The following PDE3A variants were observed in gnomAD, a reference collection of about 807,000 sequenced individuals.
The protein encoded by PDE3A is cGMP-inhibited 3',5'-cyclic phosphodiesterase 3A.
Under a neutral mutation model 98.3 loss-of-function variants are expected in PDE3A, and 43 were observed. The observed-to-expected ratio is 0.44, with a 90% CI of 0.34 to 0.56. PDE3A has a LOEUF of 0.56. Ranked by LOEUF, PDE3A falls within the 20% of genes least tolerant of loss-of-function variation. The pLI, the probability that PDE3A is intolerant of heterozygous loss-of-function variation, is 0.01. For synonymous variants in PDE3A, 663 were observed against 567.9 expected (o/e 1.17, Z -2.38); for missense variants, 1,427 against 1,440.7 (o/e 0.99, Z 0.15).
intron 1 of PDE3A, among the ~76,000 whole-genome samples, chr12:20,383,322 C>A (rs1482510946): frequency 6.6e-6 from 1 of 151,880 alleles, no homozygotes; most frequent in Admixed American, 6.6e-5. Context: ...AAATATCAGT[C>A]ATTCCCAACC....
At chr12:20,500,769 T>C (rs1946008839) in intron 1 of PDE3A, among the ~76,000 whole-genome samples, 1 of 72,980 alleles carries the variant, frequency 1.4e-5, no homozygotes, top group African/African-American at 4.0e-5. Context: ...TCTTTCTTTC[T>C]TTTTTTTTTT....
intron 15 of PDE3A, among the ~76,000 whole-genome samples, chr12:20,669,783 T>C (rs1945421232): frequency 6.6e-6 from 1 of 151,498 alleles, no homozygotes; most frequent in African/African-American, 2.4e-5. Flanking sequence ...AGGAAGAAAC[T>C]ACATAAACTA....
At position 20,369,299 on chromosome 12, in the gene PDE3A, C is replaced by G. The variant is rs978610403; in HGVS notation, c.15C>G (p.Gly5=). 2.0e-6 allele frequency: 3 copies of G among 1,522,124 alleles called. No individual in the cohort carries two copies. Among genetic ancestry groups the G allele is most frequent in the Admixed American group, 4.1e-5 (2 of 48,676 alleles). 94.3% of individuals were successfully genotyped at this position (1,522,124 alleles called of 1,614,324 possible). The part of the protein sequence containing the change: MAVP[G]DAARVRDKPV... ...CACCCTATACCATGGCAGTGCCCGG[C>G]GACGCTGCACGAGTCAGGGACAAGC... is the stretch of plus-strand genomic sequence containing the variant. Residue 5 remains glycine (G), a synonymous_variant, in exon 1 of 16, where the codon GGC becomes GGG. Transcript: ENST00000359062.
At chr12:20,627,042 T>C (rs1421841315) in intron 5 of PDE3A, among the ~76,000 whole-genome samples, 1 of 151,206 alleles carries the variant, frequency 6.6e-6, no homozygotes, top group Non-Finnish European at 1.5e-5. Flanking sequence ...TACTAAAACT[T>C]AGCAATGAAA....
intron 1 of PDE3A, among the ~76,000 whole-genome samples, chr12:20,539,417 A>G (rs923839536): frequency 2.0e-5 from 3 of 152,124 alleles, no homozygotes; most frequent in Non-Finnish European, 4.4e-5. Flanking sequence ...ATCTTGGAGC[A>G]TTTTGGATTT....
intron 15 of PDE3A, among the ~76,000 whole-genome samples, chr12:20,659,399 C>T (rs1945109594): frequency 6.6e-6 from 1 of 152,090 alleles, no homozygotes; most frequent in African/African-American, 2.4e-5. Context: ...GGCAGATGAC[C>T]TCCAAGTTTC....
At chr12:20,670,343 C>T (rs1233169046) in intron 15 of PDE3A, among the ~76,000 whole-genome samples, 15 of 149,050 alleles carry the variant, frequency 1.0e-4, no homozygotes, top group South Asian at 6.4e-4. Context: ...CTGCACCAAG[C>T]GGACCTAATA....
intron 2 of PDE3A, among the ~76,000 whole-genome samples, chr12:20,581,694 G>C (rs1943071056): frequency 6.8e-6 from 1 of 146,784 alleles, no homozygotes; most frequent in Non-Finnish European, 1.5e-5. Context: ...CTCACTGCAA[G>C]CTCCGCCTCC....
intron 1 of PDE3A, among the ~76,000 whole-genome samples, chr12:20,511,734 C>G (rs1946227884): frequency 6.6e-6 from 1 of 151,900 alleles, no homozygotes; most frequent in Non-Finnish European, 1.5e-5. Flanking sequence ...TGGTTCCTTC[C>G]AAAGAGAGAC....
intron 2 of PDE3A, among the ~76,000 whole-genome samples, chr12:20,599,830 T>G (rs1224306571): frequency 1.3e-5 from 2 of 152,220 alleles, no homozygotes; most frequent in Admixed American, 1.3e-4. Context: ...CATTTTTCTA[T>G]CTTCCTTTCA....
intron 4 of PDE3A, among the ~76,000 whole-genome samples, chr12:20,620,220 G>T (rs546435122): frequency 2.0e-5 from 3 of 152,064 alleles, no homozygotes; most frequent in African/African-American, 4.8e-5. Flanking sequence ...TCAATTTTAG[G>T]TTTATTTACA....
intron 1 of PDE3A, among the ~76,000 whole-genome samples, chr12:20,447,675 T>C (rs925613851): frequency 5.3e-5 from 8 of 152,222 alleles, no homozygotes. Context: ...TGGCTGTTCA[T>C]TCATATGCTT....
At chr12:20,664,969 A>G (rs527329856) in intron 15 of PDE3A, among the ~76,000 whole-genome samples, 2 of 152,166 alleles carry the variant, frequency 1.3e-5, no homozygotes, top group African/African-American at 4.8e-5. Context: ...CCCTACCTCT[A>G]ATCAGTTGCC....
rs543929493 is a variant in PDE3A, at chr12:20,587,482, A to G, written c.1012-25961A>G. Among the ~76,000 whole-genome samples, 16 of 152,250 alleles carry G rather than the reference A, an allele frequency of 1.1e-4. No homozygotes were observed. In the South Asian group the frequency reaches 3.3e-3, roughly 32 times the overall value. ...GACTTCTGGAAAAGATTTGTGTTTC[A>G]TAGTGTTTCTTCTAGAATTTTACTA... is the stretch of plus-strand genomic sequence containing the variant. On this transcript the variant is annotated intron_variant, in intron 2 of 15. Transcript: ENST00000359062.
intron 6 of PDE3A, among the ~76,000 whole-genome samples, chr12:20,632,447 C>CA (rs893354135): frequency 6.6e-6 from 1 of 152,028 alleles, no homozygotes; most frequent in African/African-American, 2.4e-5. Context: ...AAATAACAAA[C>CA]AAAAAAATCC....
chr12:20,493,504 C>T (rs566834071), intron 1 of PDE3A, among the ~76,000 whole-genome samples: 148 of 152,234 alleles, frequency 9.7e-4, no homozygotes, highest in Middle Eastern at 3.4e-3. Context: ...CTATGAGGGT[C>T]CTAGAGCAAA....
In PDE3A at chr12:20,613,531, C is replaced by T. The variant is rs1313512048; in HGVS notation, c.1100C>T (p.Pro367Leu). 1.9e-6 allele frequency: 3 copies of T among 1,614,052 alleles called. No homozygotes were observed. Among genetic ancestry groups the T allele is most frequent in the Non-Finnish European group, 2.5e-6 (3 of 1,180,000 alleles). Residue 367 changes from proline to leucine, a missense_variant, in exon 3 of 16, where the codon CCA becomes CTA. Pro to Leu is a moderately conservative substitution (Grantham distance 98, BLOSUM62 -3). Transcript: ENST00000359062. ...GACCTCCTGGCAGACCCTTCTCTTC[C>T]ACCAAACGTGTGCACATCCTTGAGA... The part of the protein sequence containing the change: ...ITDLLADPSL[P>L]PNVCTSLRAV...
At chr12:20,640,463 C>T (rs976325568) in intron 10 of PDE3A, among the ~76,000 whole-genome samples, 12 of 151,834 alleles carry the variant, frequency 7.9e-5, no homozygotes, top group South Asian at 2.1e-4. Flanking sequence ...AGTTGGCTGG[C>T]GTTTAGAGGG....
chr12:20,447,690 A>AT (rs963670631), intron 1 of PDE3A, among the ~76,000 whole-genome samples: 9 of 152,232 alleles, frequency 5.9e-5, no homozygotes, highest in Non-Finnish European at 8.8e-5. Context: ...ATGCTTTGTA[A>AT]TTTTTTTATA....
Sources: gnomAD v4.1 joint callset for allele counts (sites outside exome capture counted in the v4.1 genomes callset) on GRCh38, gnomAD v4.1.1 for gene constraint, MANE v1.5 for transcripts, NCBI Gene and HGNC (gene_info 2026-07-23, HGNC 2026-07-21) for gene names.